Variants in ARK2C observed in about 807,000 individuals in gnomAD.
ARK2C encodes E3 ubiquitin-protein ligase ARK2C.
the ARK2C span, among the ~76,000 whole-genome samples, chr18:46,425,406 G>C: frequency 6.6e-6 from 1 of 152,234 alleles, no homozygotes; most frequent in African/African-American, 2.4e-5. Flanking sequence ...TGGGTGGCAG[G>C]CCAGGTAGAG....
At chr18:46,436,354 G>T in the ARK2C span, among the ~76,000 whole-genome samples, 2 of 152,246 alleles carry the variant, frequency 1.3e-5, no homozygotes, top group East Asian at 3.9e-4. Context: ...AAATAGAAAT[G>T]CAGTAAAATG....
the ARK2C span, chr18:46,450,550 T>G: frequency 1.2e-6 from 1 of 801,704 alleles, no homozygotes; most frequent in Admixed American, 2.1e-5. Context: ...GGAGAGCCAG[T>G]AGAGATATTG....
At chr18:46,415,405 A>T in the ARK2C span, among the ~76,000 whole-genome samples, 1 of 152,060 alleles carries the variant, frequency 6.6e-6, no homozygotes, top group Non-Finnish European at 1.5e-5. Context: ...GGGCGCCTAT[A>T]GTCCCAGCTA....
the ARK2C span, among the ~76,000 whole-genome samples, chr18:46,360,795 G>A: frequency 6.6e-6 from 1 of 152,202 alleles, no homozygotes; most frequent in African/African-American, 2.4e-5. Context: ...TCCTACCTAG[G>A]TAGCACCAGG....
chr18:46,383,818 TG>T, the ARK2C span, among the ~76,000 whole-genome samples: 1 of 152,210 alleles, frequency 6.6e-6, no homozygotes, highest in Non-Finnish European at 1.5e-5. Flanking sequence ...CCCAAAGTGC[TG>T]GGATCACAGG....
the ARK2C span, chr18:46,433,273 G>C: frequency 6.2e-6 from 10 of 1,610,488 alleles, 1 homozygote; most frequent in South Asian, 9.9e-5. Context: ...GCAGCAGCTC[G>C]CTCCCGACTT....
At chr18:46,382,338 C>G in the ARK2C span, among the ~76,000 whole-genome samples, 1 of 152,242 alleles carries the variant, frequency 6.6e-6, no homozygotes, top group Non-Finnish European at 1.5e-5. Context: ...CCCACAGGCT[C>G]TGTCCAGCTT....
the ARK2C span, among the ~76,000 whole-genome samples, chr18:46,351,636 T>C: frequency 1.5e-4 from 23 of 152,180 alleles, no homozygotes; most frequent in African/African-American, 5.5e-4. Context: ...TTTATAGGCA[T>C]CATCTCTTTG....
chr18:46,369,425 G>A, the ARK2C span, among the ~76,000 whole-genome samples: 1 of 152,120 alleles, frequency 6.6e-6, no homozygotes, highest in Non-Finnish European at 1.5e-5. Context: ...GGAGGAAGCT[G>A]ATTGACTCGG....
the ARK2C span, among the ~76,000 whole-genome samples, chr18:46,453,325 T>C: frequency 1.8e-4 from 28 of 152,256 alleles, 1 homozygote; most frequent in South Asian, 5.6e-3. Flanking sequence ...AAATGAGTGG[T>C]GTATTCAAGT....
the ARK2C span, among the ~76,000 whole-genome samples, chr18:46,441,287 C>T: frequency 2.0e-5 from 3 of 152,116 alleles, no homozygotes; most frequent in African/African-American, 7.2e-5. Context: ...CCACTGTGCC[C>T]AGACGCAGGC....
At chr18:46,351,589 G>A in the ARK2C span, among the ~76,000 whole-genome samples, 1 of 152,154 alleles carries the variant, frequency 6.6e-6, no homozygotes, top group Non-Finnish European at 1.5e-5. Context: ...TGCTAAGCAG[G>A]ACAGAAATAT....
the ARK2C span, among the ~76,000 whole-genome samples, chr18:46,429,163 G>A: frequency 6.6e-6 from 1 of 152,184 alleles, no homozygotes; most frequent in Non-Finnish European, 1.5e-5. Context: ...AAATCCTTGT[G>A]GGAATTAAAG....
chr18:46,428,272 G>A, the ARK2C span, among the ~76,000 whole-genome samples: 7 of 152,306 alleles, frequency 4.6e-5, 1 homozygote, highest in Middle Eastern at 0.014. Flanking sequence ...AGCTGGGTGT[G>A]GTGGCAGGCG....
At chr18:46,383,804 G>A in the ARK2C span, among the ~76,000 whole-genome samples, 6 of 152,162 alleles carry the variant, frequency 3.9e-5, no homozygotes, top group South Asian at 2.1e-4. Context: ...GCCCACCTTG[G>A]CCTCCCAAAG....
At chr18:46,457,098 A>G in the ARK2C span, 1 of 156,432 alleles carries the variant, frequency 6.4e-6, no homozygotes, top group Non-Finnish European at 1.4e-5. Context: ...GTGGTGCTCT[A>G]GTCATCTTGT....
chr18:46,357,815 A>G, the ARK2C span, among the ~76,000 whole-genome samples: 3 of 152,224 alleles, frequency 2.0e-5, no homozygotes, highest in African/African-American at 7.2e-5. Context: ...ACAGTGCTGG[A>G]GGCTAGAAGG....
chr18:46,455,944 AATGAAT>A, the ARK2C span: 1 of 1,425,152 alleles, frequency 7.0e-7, no homozygotes, highest in Non-Finnish European at 9.9e-7. Context: ...TGCCCCAGGT[AATGAAT>A]ACTACTCTCT....
the ARK2C span, chr18:46,433,437 G>A: frequency 1.2e-6 from 2 of 1,613,268 alleles, no homozygotes; most frequent in Admixed American, 3.3e-5. Context: ...CTCAGGCCCT[G>A]CACCAGCAAT....
Sources: allele counts gnomAD v4.1 joint callset (sites outside exome capture counted in the v4.1 genomes callset), GRCh38; gene constraint gnomAD v4.1.1; transcripts MANE v1.5; gene names NCBI Gene and HGNC (gene_info 2026-07-23, HGNC 2026-07-21).